NSMCE2: variants seen among roughly 807,000 people sequenced by gnomAD.
NSMCE2 encodes E3 SUMO-protein ligase NSE2.
In NSMCE2, 24 loss-of-function variants were observed where a neutral mutation model predicts 23.8. The ratio of observed to expected loss-of-function variants is 1.01; its 90% CI spans 0.73 to 1.42. The LOEUF is 1.42. Among genes scored for constraint, NSMCE2 ranks in the 40% most tolerant of loss-of-function variants. The pLI, the probability that NSMCE2 is intolerant of heterozygous loss-of-function variation, is 0.00. For synonymous variants in NSMCE2, 92 were observed against 94.1 expected (o/e 0.98, Z 0.13); for missense variants, 284 against 296.5 (o/e 0.96, Z 0.31).
intron 3 of NSMCE2, among the ~76,000 whole-genome samples, chr8:125,134,439 A>C (rs1819955281): frequency 6.6e-6 from 1 of 152,194 alleles, no homozygotes. Flanking sequence ...TGCTACAGGC[A>C]GTCTTCTTAC....
intron 5 of NSMCE2, among the ~76,000 whole-genome samples, chr8:125,192,317 C>G (rs975771634): frequency 1.4e-5 from 2 of 147,550 alleles, no homozygotes; most frequent in African/African-American, 5.0e-5. Context: ...ACTTCTACTT[C>G]ATTTTTAAAA....
At chr8:125,216,216 T>G (rs1423549640) in intron 5 of NSMCE2, among the ~76,000 whole-genome samples, 1 of 134,258 alleles carries the variant, frequency 7.4e-6, no homozygotes, top group East Asian at 2.1e-4. Flanking sequence ...TCCACTTATC[T>G]GTCAATGGAC....
At chr8:125,317,872 T>G (rs1829272071) in intron 5 of NSMCE2, among the ~76,000 whole-genome samples, 1 of 152,180 alleles carries the variant, frequency 6.6e-6, no homozygotes, top group African/African-American at 2.4e-5. Context: ...AGTTAAATTT[T>G]TAAAAAGTTA....
At chr8:125,178,837 C>T (rs1366394129) in intron 4 of NSMCE2, among the ~76,000 whole-genome samples, 1 of 152,048 alleles carries the variant, frequency 6.6e-6, no homozygotes, top group East Asian at 1.9e-4. Context: ...GCCACTACAG[C>T]CTGGGCAACA....
At chr8:125,162,942 A>G (rs1821697588) in intron 4 of NSMCE2, among the ~76,000 whole-genome samples, 2 of 152,246 alleles carry the variant, frequency 1.3e-5, no homozygotes, top group Admixed American at 1.3e-4. Flanking sequence ...AGAATTTTGC[A>G]TAAATCTCAT....
At chr8:125,180,973 T>C (rs1239249750) in intron 4 of NSMCE2, among the ~76,000 whole-genome samples, 1 of 152,080 alleles carries the variant, frequency 6.6e-6, no homozygotes, top group Admixed American at 6.6e-5. Context: ...AATAAGCAAT[T>C]GAATATTCCT....
intron 5 of NSMCE2, among the ~76,000 whole-genome samples, chr8:125,194,908 T>C (rs1823541094): frequency 9.2e-5 from 14 of 152,234 alleles, no homozygotes; most frequent in Admixed American, 9.2e-4. Context: ...ATAATGTTCA[T>C]GTTTGTCTAT....
intron 5 of NSMCE2, among the ~76,000 whole-genome samples, chr8:125,222,827 CTGAGGTGGGTGGA>C (rs2130921214): frequency 6.6e-6 from 1 of 152,224 alleles, no homozygotes; most frequent in South Asian, 2.1e-4. Flanking sequence ...CTTTGGGAGG[CTGAGGTGGGTGGA>C]TTGCTTGAGC....
intron 5 of NSMCE2, among the ~76,000 whole-genome samples, chr8:125,229,989 G>T (rs1825254656): frequency 6.6e-6 from 1 of 152,068 alleles, no homozygotes; most frequent in Non-Finnish European, 1.5e-5. Flanking sequence ...ATTTAGTTGA[G>T]AATCAAATGA....
chr8:125,149,736 A>T (rs1386256668), intron 3 of NSMCE2, among the ~76,000 whole-genome samples: 4 of 152,152 alleles, frequency 2.6e-5, no homozygotes, highest in Admixed American at 2.6e-4. Context: ...GTTGTTTCTT[A>T]TTCTGACTAA....
At chr8:125,300,391 G>A (rs572287491) in intron 5 of NSMCE2, among the ~76,000 whole-genome samples, 2 of 152,066 alleles carry the variant, frequency 1.3e-5, no homozygotes, top group East Asian at 3.9e-4. Context: ...TCGAACTCCT[G>A]AACTCAAGTG....
At chr8:125,228,813 G>T (rs907413740) in intron 5 of NSMCE2, among the ~76,000 whole-genome samples, 1 of 152,084 alleles carries the variant, frequency 6.6e-6, no homozygotes. Flanking sequence ...CTCATAAGTA[G>T]CTTAGCTCAT....
chr8:125,108,568 A>T lies in NSMCE2; in HGVS notation c.157+6081A>T, dbSNP rs368269789. Among the ~76,000 whole-genome samples the T allele has an allele frequency of 3.9e-5, 6 of 152,358 alleles. No homozygotes were observed. The South Asian group carries it at 1.2e-3, about 32-fold the overall frequency. ...AATAGGATTAAAATGCCTGCTTCAT[A>T]AGATTGTTGGGACTAATGAGATAAT... On this transcript the variant is annotated intron_variant, in intron 3 of 7. Transcript: ENST00000287437.
intron 7 of NSMCE2, among the ~76,000 whole-genome samples, chr8:125,362,359 A>G (rs1238827982): frequency 1.3e-5 from 2 of 152,166 alleles, no homozygotes; most frequent in African/African-American, 2.4e-5. Flanking sequence ...TCCAGCATCA[A>G]CCTCGCCTCC....
chr8:125,286,315 ATTT>A (rs57559309), intron 5 of NSMCE2, among the ~76,000 whole-genome samples: 1 of 148,300 alleles, frequency 6.7e-6, no homozygotes. Flanking sequence ...CCTTTTATTT[ATTT>A]TTTTTTTTTT....
At chr8:125,242,107 G>T (rs56225128) in intron 5 of NSMCE2, among the ~76,000 whole-genome samples, 1 of 137,688 alleles carries the variant, frequency 7.3e-6, no homozygotes, top group East Asian at 2.3e-4. Context: ...CAATAACTGG[G>T]GGGGGAGTTT....
chr8:125,348,326 A>AT (rs1812870019), intron 5 of NSMCE2: 2 of 152,104 alleles, frequency 1.3e-5, no homozygotes, highest in South Asian at 4.2e-4. Flanking sequence ...GTGTTCTAGT[A>AT]TTTTTGTTGA....
chr8:125,294,710 A>T (rs182142116), intron 5 of NSMCE2, among the ~76,000 whole-genome samples: 1 of 152,338 alleles, frequency 6.6e-6, no homozygotes, highest in African/African-American at 2.4e-5. Context: ...ATTATACGTG[A>T]AAAAACATAA....
intron 4 of NSMCE2, among the ~76,000 whole-genome samples, chr8:125,153,252 C>T (rs1358745026): frequency 6.6e-6 from 1 of 152,100 alleles, no homozygotes; most frequent in Non-Finnish European, 1.5e-5. Context: ...CAGCCCTAAC[C>T]TCACACTAGA....
Sources: allele counts gnomAD v4.1 joint callset (sites outside exome capture counted in the v4.1 genomes callset), GRCh38; gene constraint gnomAD v4.1.1; transcripts MANE v1.5; gene names NCBI Gene and HGNC (gene_info 2026-07-23, HGNC 2026-07-21).